The following KLHL1 variants were observed in gnomAD, a reference collection of about 807,000 sequenced individuals.
KLHL1 encodes kelch like family member 1.
In KLHL1, 47 loss-of-function variants were observed where a neutral mutation model predicts 77.7. That is an observed-to-expected ratio of 0.60 (90% confidence interval 0.48 to 0.77). The LOEUF (loss-of-function observed/expected upper bound fraction) is 0.77. Ranked by LOEUF, KLHL1 falls within the 30% of genes least tolerant of loss-of-function variation. KLHL1 has a pLI of 0.00. For synonymous variants in KLHL1, 360 were observed against 325.2 expected, an observed-to-expected ratio of 1.11 and a Z score of -1.15; for missense variants, 925 against 910.8, an observed-to-expected ratio of 1.02 and a Z score of -0.20.
chr13:69,933,523 T>C (rs545217996), intron 4 of KLHL1, among the ~76,000 whole-genome samples: 1 of 152,228 alleles, frequency 6.6e-6, no homozygotes, highest in African/African-American at 2.4e-5. Flanking sequence ...TTGATATAGT[T>C]TGTTCTTTCT....
At chr13:69,980,101 G>C (rs572500683) in intron 1 of KLHL1, among the ~76,000 whole-genome samples, 1 of 152,234 alleles carries the variant, frequency 6.6e-6, no homozygotes, top group South Asian at 2.1e-4. Context: ...TACTGTTCTC[G>C]TGCTAAACAG....
intron 10 of KLHL1, among the ~76,000 whole-genome samples, chr13:69,706,468 C>G (rs1013851852): frequency 4.0e-5 from 6 of 151,842 alleles, no homozygotes; most frequent in Non-Finnish European, 8.8e-5. Flanking sequence ...AATCATGTTT[C>G]ATTAAAAGTA....
chr13:70,080,193 C>G (rs1383551566), intron 1 of KLHL1, among the ~76,000 whole-genome samples: 1 of 152,122 alleles, frequency 6.6e-6, no homozygotes, highest in East Asian at 1.9e-4. Flanking sequence ...GTCTGCTAGT[C>G]TGAGTGCTAT....
At chr13:69,754,179 C>T (rs978394494) in intron 7 of KLHL1, among the ~76,000 whole-genome samples, 2 of 151,930 alleles carry the variant, frequency 1.3e-5, no homozygotes, top group African/African-American at 4.8e-5. Context: ...GTAGGAGCTA[C>T]CCTTTAAGAA....
chr13:69,939,355 A>ATATATATATACATATACATAC (rs1883286115), intron 4 of KLHL1, among the ~76,000 whole-genome samples: 1 of 77,556 alleles, frequency 1.3e-5, no homozygotes, highest in African/African-American at 4.9e-5. Context: ...ATATATATAT[A>ATATATATATACATATACATAC]TATATATATA....
intron 4 of KLHL1, among the ~76,000 whole-genome samples, chr13:69,912,511 C>T (rs1163535941): frequency 3.9e-5 from 6 of 152,204 alleles, no homozygotes; most frequent in Non-Finnish European, 4.4e-5. Flanking sequence ...TATCAGGAAG[C>T]AATCATTTTA....
Position 69,839,021 on chromosome 13 carries a change from T to C in KLHL1, c.1369A>G (p.Thr457Ala), listed in dbSNP as rs1300431619. 2 of 1,610,382 alleles carry C rather than the reference T, an allele frequency of 1.2e-6. No individual in the cohort carries two copies. The highest frequency in any genetic ancestry group is 1.7e-4 in the Middle Eastern group (1 of 6,032). ...QSPRTKPRKS[T>A]VGTLYAVGGM... ...CCTACAGCATACAAAGTTCCGACTGTAGATTTTCTGGGTTTAGTTCTCGGA... is the reference window on the plus strand; with the variant it reads ...CCTACAGCATACAAAGTTCCGACTGCAGATTTTCTGGGTTTAGTTCTCGGA... The change falls in exon 6 of 11, where the codon ACA (threonine) becomes GCA (alanine). Residue 457 changes from threonine to alanine, a missense_variant. Thr to Ala is a moderately conservative substitution (Grantham distance 58). Coordinates refer to ENST00000377844, the MANE Select transcript of KLHL1 (RefSeq NM_020866.3).
chr13:70,060,181 T>C (rs555437566), intron 1 of KLHL1, among the ~76,000 whole-genome samples: 1 of 152,282 alleles, frequency 6.6e-6, no homozygotes, highest in East Asian at 1.9e-4. Flanking sequence ...CTTAACATCA[T>C]TGATCATAAG....
At chr13:70,085,934 T>C (rs1887525434) in intron 1 of KLHL1, among the ~76,000 whole-genome samples, 1 of 152,178 alleles carries the variant, frequency 6.6e-6, no homozygotes, top group South Asian at 2.1e-4. Context: ...TCTATCCATG[T>C]ATATGGTGAC....
At position 70,053,200 on chromosome 13, in the gene KLHL1, A is replaced by T. The variant is rs1460248510; in HGVS notation, c.497+54003T>A. Among the ~76,000 whole-genome samples, 3 of 152,230 alleles carry T rather than the reference A, an allele frequency of 2.0e-5. No individual in the cohort carries two copies. In the South Asian group the frequency reaches 6.2e-4, roughly 32 times the overall value. ...ATAGGGTCAAGAAAACACAAAATAT[A>T]GTAGATTTTATGAATAGAACATATA... On this transcript the variant is annotated intron_variant, in intron 1 of 10. Coordinates refer to ENST00000377844, the MANE Select transcript of KLHL1 (RefSeq NM_020866.3).
At chr13:69,718,463 T>C (rs190821191) in intron 9 of KLHL1, among the ~76,000 whole-genome samples, 4 of 152,178 alleles carry the variant, frequency 2.6e-5, no homozygotes, top group Non-Finnish European at 5.9e-5. Context: ...ATATGTAGCA[T>C]GAATGAGGAA....
chr13:69,959,247 T>C (rs1477409409), intron 3 of KLHL1, among the ~76,000 whole-genome samples: 9 of 152,012 alleles, frequency 5.9e-5, no homozygotes. Context: ...GACCTAGTTT[T>C]GCACACAGGA....
At chr13:69,856,125 G>A (rs911352199) in intron 5 of KLHL1, among the ~76,000 whole-genome samples, 5 of 151,668 alleles carry the variant, frequency 3.3e-5, no homozygotes, top group African/African-American at 1.2e-4. Flanking sequence ...TTTGAATACT[G>A]TGCAACTTTG....
rs185254171 is a variant in KLHL1 at position 69,837,547 on chromosome 13, G to A, written c.1414+1429C>T. On this transcript the variant is annotated intron_variant, in intron 6 of 10. Transcript: ENST00000377844. ...GGAAATTGAATACAATCATAAATAGGTATATTTGTATATAAATATGTATAG... is the reference window on the plus strand; with the variant it reads ...GGAAATTGAATACAATCATAAATAGATATATTTGTATATAAATATGTATAG... Among the ~76,000 whole-genome samples, 248 of 145,248 alleles carry A rather than the reference G, an allele frequency of 1.7e-3. 1 individual carries two copies. Among genetic ancestry groups the A allele is most frequent in the African/African-American group, 6.1e-3 (234 of 38,086 alleles).
intron 4 of KLHL1, among the ~76,000 whole-genome samples, chr13:69,923,576 G>A (rs1882713706): frequency 6.6e-6 from 1 of 152,142 alleles, no homozygotes; most frequent in Admixed American, 6.5e-5. Flanking sequence ...TTACTACTAT[G>A]TTATCTTTGA....
At chr13:70,006,118 C>T (rs1467631548) in intron 1 of KLHL1, among the ~76,000 whole-genome samples, 2 of 151,926 alleles carry the variant, frequency 1.3e-5, no homozygotes, top group Non-Finnish European at 1.5e-5. Context: ...GTATTTGTCC[C>T]TCTTTGTCTT....
intron 5 of KLHL1, among the ~76,000 whole-genome samples, chr13:69,841,948 C>T (rs1174284818): frequency 6.6e-6 from 1 of 151,850 alleles, no homozygotes; most frequent in East Asian, 1.9e-4. Flanking sequence ...AAAGGACACC[C>T]TCTTCAATAA....
intron 5 of KLHL1, among the ~76,000 whole-genome samples, chr13:69,860,792 T>G (rs1270561559): frequency 2.0e-5 from 3 of 151,956 alleles, no homozygotes; most frequent in African/African-American, 7.2e-5. Flanking sequence ...GTTTTTATTT[T>G]ATCAGATTTA....
At chr13:69,722,444 A>G (rs1406027714) in intron 8 of KLHL1, among the ~76,000 whole-genome samples, 1 of 151,948 alleles carries the variant, frequency 6.6e-6, no homozygotes, top group Non-Finnish European at 1.5e-5. Flanking sequence ...ATATCTATCT[A>G]ATCTAGTATC....
Sources: gnomAD v4.1 joint callset for allele counts (sites outside exome capture counted in the v4.1 genomes callset) on GRCh38, gnomAD v4.1.1 for gene constraint, MANE v1.5 for transcripts, NCBI Gene and HGNC (gene_info 2026-07-23, HGNC 2026-07-21) for gene names.